ACAT1: variants seen among roughly 807,000 people sequenced by gnomAD.
ACAT1 encodes acetyl-CoA acetyltransferase, mitochondrial.
In ACAT1, 28 loss-of-function variants were observed where a neutral mutation model predicts 47.3. The ratio of observed to expected loss-of-function variants is 0.59; its 90% CI spans 0.44 to 0.81. The LOEUF is 0.81. ACAT1 is among the 30% of genes least tolerant of loss of function. The probability of loss-of-function intolerance (pLI) is 0.00; values close to 1 mark genes in which losing one functional copy is unlikely to be tolerated. For synonymous variants in ACAT1, 181 were observed against 173.6 expected (o/e 1.04, Z -0.34); for missense variants, 469 against 524.3 (o/e 0.89, Z 1.03).
At chr11:108,146,663 T>C (rs988478606) in intron 11 of ACAT1, among the ~76,000 whole-genome samples, 5 of 152,210 alleles carry the variant, frequency 3.3e-5, no homozygotes, top group African/African-American at 1.2e-4. Context: ...GTTACATGGA[T>C]GAATTTATAG....
chr11:108,117,330 C>CA (rs548328286), upstream of ACAT1, among the ~76,000 whole-genome samples: 182 of 145,852 alleles, frequency 1.2e-3, 5 homozygotes, highest in East Asian at 0.034. Flanking sequence ...TTTTTGGAGA[C>CA]AGAGTTTTGC....
At chr11:108,126,027 G>A (rs1565283769) in intron 1 of ACAT1, among the ~76,000 whole-genome samples, 1 of 152,002 alleles carries the variant, frequency 6.6e-6, no homozygotes, top group Non-Finnish European at 1.5e-5. Context: ...TTTGGAGACA[G>A]GATCACACTC....
chr11:108,117,324 T>C (rs79259286), upstream of ACAT1, among the ~76,000 whole-genome samples: 1 of 147,118 alleles, frequency 6.8e-6, no homozygotes, highest in East Asian at 2.1e-4. Flanking sequence ...TTTTTTTTTT[T>C]GGAGACAGAG....
chr11:108,121,218 T>C, upstream of ACAT1: 1 of 254,544 alleles, frequency 3.9e-6, no homozygotes, highest in Non-Finnish European at 7.6e-6. Flanking sequence ...AAAAAAAAAA[T>C]CCTAAAATAT....
chr11:108,132,636 C>G (rs887908443), intron 2 of ACAT1, among the ~76,000 whole-genome samples: 3 of 151,674 alleles, frequency 2.0e-5, no homozygotes, highest in Admixed American at 1.3e-4. Context: ...AGGTGGATCA[C>G]GAGGTCAGGA....
Position 108,143,967 on chromosome 11 carries a change from C to A in ACAT1, c.941-16C>A, listed in dbSNP as rs770980645. ...AAAAAGATTTTAACAACCCCCCCCC[C>A]CCTTTTTTTAAACAGCATTTGCTGA... On this transcript the variant is annotated splice_polypyrimidine_tract_variant and intron_variant, in intron 9 of 11. Coordinates refer to ENST00000265838, the MANE Select transcript of ACAT1 (RefSeq NM_000019.4). The A allele has an allele frequency of 2.6e-5, 27 of 1,050,498 alleles. 1 individual carries two copies. Among genetic ancestry groups the A allele is most frequent in the Admixed American group, 9.4e-5 (5 of 53,468 alleles). 65.1% of individuals were successfully genotyped at this position (1,050,498 alleles called of 1,614,324 possible).
upstream of ACAT1, chr11:108,121,369 C>T (rs2077143882): frequency 1.9e-5 from 11 of 588,716 alleles, no homozygotes; most frequent in South Asian, 2.0e-4. Flanking sequence ...GCTCGTTGAC[C>T]CCAGCGCCAG....
rs540294831 is a variant in ACAT1 at position 108,128,366 on chromosome 11, G to A, written c.73-3541G>A. Among the ~76,000 whole-genome samples the A allele has an allele frequency of 5.3e-5, 8 of 152,302 alleles. No individual in the cohort carries two copies. The South Asian group carries it at 8.3e-4, about 16-fold the overall frequency. ...AGCACTTTGGGAGGCCGAGGCAGGC[G>A]GATCACCTGAGGTCAGGAGTTCAAA... On this transcript the variant is annotated intron_variant, in intron 1 of 11. Coordinates refer to ENST00000265838, the MANE Select transcript of ACAT1 (RefSeq NM_000019.4).
intron 10 of ACAT1, among the ~76,000 whole-genome samples, chr11:108,144,632 T>C (rs189505900): frequency 6.6e-6 from 1 of 151,976 alleles, no homozygotes; most frequent in Non-Finnish European, 1.5e-5. Flanking sequence ...TAAACTTCTG[T>C]AAGCACCCAG....
At chr11:108,120,853 G>A (rs2135280966), upstream of ACAT1, among the ~76,000 whole-genome samples, 1 of 151,836 alleles carries the variant, frequency 6.6e-6, no homozygotes, top group East Asian at 1.9e-4. Flanking sequence ...GAGCCCAGGA[G>A]TCAGCAACCA....
chr11:108,121,773 C>A, intron 1 of ACAT1, 95 bp downstream of exon 1: 1 of 1,417,298 alleles, frequency 7.1e-7, no homozygotes, highest in East Asian at 2.5e-5. Flanking sequence ...GCTCCCGCGG[C>A]CCGGGCGCGC....
intron 2 of ACAT1, among the ~76,000 whole-genome samples, chr11:108,133,611 C>T (rs1275573526): frequency 3.9e-5 from 6 of 152,200 alleles, no homozygotes; most frequent in Admixed American, 2.0e-4. Context: ...TGGGAAGGAT[C>T]TACATCTGTT....
chr11:108,129,358 G>A (rs1214478265), intron 1 of ACAT1, among the ~76,000 whole-genome samples: 1 of 152,086 alleles, frequency 6.6e-6, no homozygotes, highest in East Asian at 1.9e-4. Flanking sequence ...GTGTGCAAGT[G>A]TCTTTTTCGT....
intron 2 of ACAT1, among the ~76,000 whole-genome samples, chr11:108,132,582 C>T (rs188619526): frequency 2.6e-5 from 4 of 151,856 alleles, no homozygotes; most frequent in South Asian, 4.2e-4. Context: ...GGGCCGGGTG[C>T]GGTGGCTCAC....
At chr11:108,138,448 G>A (rs1394221553) in intron 5 of ACAT1, among the ~76,000 whole-genome samples, 2 of 150,886 alleles carry the variant, frequency 1.3e-5, no homozygotes, top group African/African-American at 4.9e-5. Flanking sequence ...CCAGGCTGGA[G>A]TGCAGTGGCA....
At chr11:108,138,451 C>T (rs2077513247) in intron 5 of ACAT1, among the ~76,000 whole-genome samples, 2 of 151,334 alleles carry the variant, frequency 1.3e-5, no homozygotes, top group African/African-American at 4.9e-5. Flanking sequence ...GGCTGGAGTG[C>T]AGTGGCACAA....
At chr11:108,135,320 A>G in intron 5 of ACAT1, 78 bp downstream of exon 5, 3 of 1,017,194 alleles carry the variant, frequency 2.9e-6, no homozygotes, top group Non-Finnish European at 3.1e-6. Context: ...AGGCATATTC[A>G]TATTTTAGAA....
chr11:108,132,586 G>A (rs1269667324), intron 2 of ACAT1, among the ~76,000 whole-genome samples: 1 of 152,062 alleles, frequency 6.6e-6, no homozygotes, highest in Non-Finnish European at 1.5e-5. Flanking sequence ...CGGGTGCGGT[G>A]GCTCACACCT....
In ACAT1 at chr11:108,146,216, G is replaced by A. The variant is rs2077705283; in HGVS notation, c.1020G>A (p.Val340=). 6.2e-7 allele frequency: 1 copy of A among 1,612,146 alleles called. No homozygotes were observed. The highest frequency in any genetic ancestry group is 8.5e-7 in the Non-Finnish European group (1 of 1,178,626). ...AAAAATTTAAGGTTCTTAAAGATGT[G>A]GGATTGAAAAAAGAAGATATTGCAA... ...VYAASMVLKD[V]GLKKEDIAMW... The change falls in exon 11 of 12, where the codon GTG becomes GTA. Residue 340 remains valine (V), a synonymous_variant. Coordinates refer to ENST00000265838, the MANE Select transcript of ACAT1 (RefSeq NM_000019.4).
Sources: gnomAD v4.1 joint callset for allele counts (sites outside exome capture counted in the v4.1 genomes callset) on GRCh38, gnomAD v4.1.1 for gene constraint, MANE v1.5 for transcripts, NCBI Gene and HGNC (gene_info 2026-07-23, HGNC 2026-07-21) for gene names.